Variants in STT3B observed in about 807,000 individuals in gnomAD.
STT3B encodes STT3 oligosaccharyltransferase complex catalytic subunit B.
STT3B carries 29 observed loss-of-function variants against 96.8 expected under a neutral mutation model. The observed-to-expected ratio is 0.30, with a 90% CI of 0.22 to 0.41. The LOEUF (loss-of-function observed/expected upper bound fraction) is 0.41, where lower values mean the gene tolerates loss of function less well. Ranked by LOEUF, STT3B falls within the 10% of genes least tolerant of loss-of-function variation. STT3B has a pLI of 1.00. For synonymous variants in STT3B, 367 were observed against 360.0 expected (o/e 1.02, Z -0.22); for missense variants, 640 against 1,022.3 (o/e 0.63, Z 5.10).
intron 2 of STT3B, among the ~76,000 whole-genome samples, 174 bp downstream of exon 2, chr3:31,576,678 CT>C (rs1222001546): frequency 6.6e-6 from 1 of 152,094 alleles, no homozygotes; most frequent in Non-Finnish European, 1.5e-5. Context: ...ACCTCCTCCC[CT>C]TAATCCCCAA....
chr3:31,567,816 T>C (rs1367084983), intron 1 of STT3B, among the ~76,000 whole-genome samples: 1 of 152,216 alleles, frequency 6.6e-6, no homozygotes. Flanking sequence ...GGCATAGTCA[T>C]CACCTCACGC....
Position 31,626,075 on chromosome 3 carries a change from A to C in STT3B, c.2021A>C (p.Lys674Thr). The change falls in exon 13 of 16, where the codon AAA becomes ACA. Residue 674 changes from lysine (K) to threonine (T), a missense_variant. By Grantham distance (78) the Lys-to-Thr change is moderately conservative. Transcript: ENST00000295770. ...GGCTATTCTGGTGATGATATCAACA[A>C]ATTTCTCTGGATGGTTAGGATAGCT... ...VIGYSGDDIN[K>T]FLWMVRIAEG... 6.2e-7 allele frequency: 1 copy of C among 1,613,852 alleles called. No individual in the cohort carries two copies. Among genetic ancestry groups the C allele is most frequent in the Non-Finnish European group, 8.5e-7 (1 of 1,179,872 alleles).
chr3:31,601,169 G>A (rs903176683), intron 5 of STT3B, among the ~76,000 whole-genome samples: 2 of 152,080 alleles, frequency 1.3e-5, no homozygotes, highest in African/African-American at 4.8e-5. Flanking sequence ...CCATAGATTC[G>A]TCATATGACC....
chr3:31,546,887 T>C (rs1335798591), intron 1 of STT3B, among the ~76,000 whole-genome samples: 1 of 152,164 alleles, frequency 6.6e-6, no homozygotes, highest in Non-Finnish European at 1.5e-5. Flanking sequence ...GAGTACTGCT[T>C]AGTATGTTAA....
intron 3 of STT3B, among the ~76,000 whole-genome samples, chr3:31,583,779 T>G (rs116627042): frequency 0.015 from 2,349 of 152,274 alleles, 72 homozygotes; most frequent in African/African-American, 0.051. Flanking sequence ...GCTTTTTTTT[T>G]GTCCCTCATT....
intron 14 of STT3B, among the ~76,000 whole-genome samples, 153 bp downstream of exon 14, chr3:31,629,564 T>G (rs550222342): frequency 6.6e-6 from 1 of 152,352 alleles, no homozygotes; most frequent in South Asian, 2.1e-4. Flanking sequence ...TTTAGATTTC[T>G]GAAACTAATA....
intron 1 of STT3B, among the ~76,000 whole-genome samples, chr3:31,546,835 A>G (rs918726875): frequency 7.9e-5 from 12 of 152,190 alleles, no homozygotes; most frequent in African/African-American, 2.9e-4. Flanking sequence ...TCCTTAAAGC[A>G]ATCCTATTAG....
In STT3B at chr3:31,617,920, T is replaced by G. The variant is rs773245630; in HGVS notation, c.1124-20T>G. The G allele has an allele frequency of 7.5e-5, 118 of 1,569,164 alleles. No individual in the cohort carries two copies. The highest frequency in any genetic ancestry group is 1.0e-4 in the Non-Finnish European group (115 of 1,140,980). ...ATAATAAAAAGGCAGATTAATTTCA[T>G]CCATGTTTTTCCTTCCAAGGTTACA... On this transcript the variant is annotated intron_variant, in intron 7 of 15. Transcript: ENST00000295770.
intron 1 of STT3B, among the ~76,000 whole-genome samples, chr3:31,572,010 T>C (rs1488498516): frequency 1.0e-5 from 1 of 99,748 alleles, no homozygotes; most frequent in Non-Finnish European, 2.5e-5. Context: ...AATTATTTTA[T>C]TAAACATATT....
chr3:31,606,962 G>T (rs1699067686), intron 5 of STT3B, among the ~76,000 whole-genome samples: 1 of 152,216 alleles, frequency 6.6e-6, no homozygotes, highest in Non-Finnish European at 1.5e-5. Context: ...TGACCTGGAT[G>T]TGAGACATGG....
At chr3:31,615,438 A>ATAC (rs1222745843) in intron 6 of STT3B, among the ~76,000 whole-genome samples, 1 of 151,874 alleles carries the variant, frequency 6.6e-6, no homozygotes, top group Non-Finnish European at 1.5e-5. Flanking sequence ...CTGTACACTG[A>ATAC]TACTATATAG....
intron 1 of STT3B, among the ~76,000 whole-genome samples, chr3:31,555,653 C>T (rs1697687553): frequency 6.6e-6 from 1 of 151,920 alleles, no homozygotes; most frequent in African/African-American, 2.4e-5. Context: ...GTTCTTTAGT[C>T]TTTTTACATT....
chr3:31,619,249 A>G (rs907750470), intron 8 of STT3B, among the ~76,000 whole-genome samples: 2 of 152,180 alleles, frequency 1.3e-5, no homozygotes, highest in Admixed American at 6.5e-5. Flanking sequence ...ACTGGTAAGT[A>G]TAATGCAAAT....
At chr3:31,630,703 A>G (rs1013461967) in intron 14 of STT3B, among the ~76,000 whole-genome samples, 7 of 152,178 alleles carry the variant, frequency 4.6e-5, no homozygotes, top group African/African-American at 1.7e-4. Flanking sequence ...TTAATTTTAT[A>G]CTATCACTGG....
At chr3:31,633,869 A>G (rs1022376153) in intron 15 of STT3B, among the ~76,000 whole-genome samples, 1 of 152,156 alleles carries the variant, frequency 6.6e-6, no homozygotes, top group African/African-American at 2.4e-5. Context: ...CTATCCTTAT[A>G]ATACTGATTA....
At chr3:31,635,124 A>G (rs1699733753) in intron 15 of STT3B, among the ~76,000 whole-genome samples, 1 of 152,172 alleles carries the variant, frequency 6.6e-6, no homozygotes, top group South Asian at 2.1e-4. Context: ...TGAAAATTGA[A>G]TTGAGTGGTC....
Position 31,633,068 on chromosome 3 carries a change from C to T in STT3B, c.2321C>T (p.Ala774Val). The change falls in exon 15 of 16, where the codon GCA becomes GTA. Residue 774 changes from alanine to valine, a missense_variant. Transcript: ENST00000295770. ...CTTGTTAGGATATATAAAGTAAAAGCACCTGATAACAGGGAGACATTAGAT... is the reference window on the plus strand; with the variant it reads ...CTTGTTAGGATATATAAAGTAAAAGTACCTGATAACAGGGAGACATTAGAT... ...HWLVRIYKVK[A>V]PDNRETLDHK... 1 of 1,614,066 alleles carries T rather than the reference C, an allele frequency of 6.2e-7. No homozygotes were observed. Among genetic ancestry groups the T allele is most frequent in the South Asian group, 1.1e-5 (1 of 91,078 alleles).
chr3:31,597,190 T>G (rs1698812374), intron 4 of STT3B, among the ~76,000 whole-genome samples: 1 of 152,196 alleles, frequency 6.6e-6, no homozygotes, highest in African/African-American at 2.4e-5. Flanking sequence ...GACGGAGTTT[T>G]GCCCTGTTGC....
At chr3:31,561,478 T>C (rs1697876010) in intron 1 of STT3B, among the ~76,000 whole-genome samples, 1 of 152,150 alleles carries the variant, frequency 6.6e-6, no homozygotes, top group South Asian at 2.1e-4. Context: ...TTATTGACCA[T>C]AGTCACCCTA....
Sources: gnomAD v4.1 joint callset for allele counts (sites outside exome capture counted in the v4.1 genomes callset) on GRCh38, gnomAD v4.1.1 for gene constraint, MANE v1.5 for transcripts, NCBI Gene and HGNC (gene_info 2026-07-23, HGNC 2026-07-21) for gene names.